TULP4: variants seen among roughly 807,000 people sequenced by gnomAD.
TULP4 encodes the protein tubby-related protein 4.
In TULP4, 16 loss-of-function variants were observed where a neutral mutation model predicts 129.0. The observed-to-expected ratio is 0.12, with a 90% CI of 0.08 to 0.19. The LOEUF (loss-of-function observed/expected upper bound fraction) is 0.19. TULP4 is among the 10% of genes least tolerant of loss of function. The pLI is 1.00. For missense variants in TULP4, 1,842 were observed against 2,059.1 expected, an observed-to-expected ratio of 0.89 and a Z score of 2.04; for synonymous variants, 998 against 854.0, an observed-to-expected ratio of 1.17 and a Z score of -2.94.
In TULP4 at chr6:158,493,412, C is replaced by A. The variant is rs1247506859; in HGVS notation, c.1632-161C>A. The stretch of plus-strand genomic sequence containing the variant: ...TCATTCTTTCCTCATATTCATAAAG[C>A]AAAAGCAAGGGGAGAGCTTTGTTAA... On this transcript the variant is annotated intron_variant, in intron 9 of 13. Transcript: ENST00000367097. This position sits in a 1 kb window ranked among gnomAD's most constrained non-coding sequence, Gnocchi z 4.4. Among the ~76,000 whole-genome samples, 1 of 152,194 alleles carries A rather than the reference C, an allele frequency of 6.6e-6. No homozygotes were observed. Among genetic ancestry groups the A allele is most frequent in the Admixed American group, 6.5e-5 (1 of 15,284 alleles).
chr6:158,302,019 T>C (rs1473741962), intron 1 of TULP4, among the ~76,000 whole-genome samples: 1 of 152,232 alleles, frequency 6.6e-6, no homozygotes, highest in Non-Finnish European at 1.5e-5. Context: ...TCTGTTGAAT[T>C]TTATCCTGAG....
At chr6:158,342,214 C>A (rs917194511) in intron 1 of TULP4, among the ~76,000 whole-genome samples, 2 of 152,246 alleles carry the variant, frequency 1.3e-5, no homozygotes, top group African/African-American at 4.8e-5. Flanking sequence ...CTGCGCCCAG[C>A]CCAGCTTGGT....
chr6:158,357,678 C>T (rs1361654882), intron 1 of TULP4, among the ~76,000 whole-genome samples: 2 of 152,180 alleles, frequency 1.3e-5, no homozygotes, highest in African/African-American at 4.8e-5. Context: ...GATGCCGAGG[C>T]CTGGCCTTCC....
intron 7 of TULP4, among the ~76,000 whole-genome samples, chr6:158,480,617 C>A (rs1779919307): frequency 6.6e-6 from 1 of 152,254 alleles, no homozygotes; most frequent in African/African-American, 2.4e-5. Context: ...TATTCTGTCT[C>A]TCTTCTTCTG....
chr6:158,243,052 G>A (rs1454941789), intron 1 of TULP4, among the ~76,000 whole-genome samples: 1 of 152,170 alleles, frequency 6.6e-6, no homozygotes, highest in Non-Finnish European at 1.5e-5. Context: ...CTCCCAAAGT[G>A]CTGGGATTGC....
At chr6:158,269,214 A>G (rs1264200027) in intron 1 of TULP4, among the ~76,000 whole-genome samples, 3 of 152,304 alleles carry the variant, frequency 2.0e-5, no homozygotes, top group African/African-American at 2.4e-5. Flanking sequence ...ATTCCAAAGT[A>G]ACAGTGTTGT....
chr6:158,466,737 C>A (rs989634753), intron 6 of TULP4, among the ~76,000 whole-genome samples: 1 of 152,152 alleles, frequency 6.6e-6, no homozygotes, highest in Non-Finnish European at 1.5e-5. Flanking sequence ...ATCCATATCT[C>A]CTAGGAGCTC....
intron 3 of TULP4, among the ~76,000 whole-genome samples, chr6:158,437,409 A>G (rs1397128246): frequency 6.6e-6 from 1 of 152,118 alleles, no homozygotes; most frequent in Non-Finnish European, 1.5e-5. Context: ...AAAAAATTAA[A>G]AACCAGCCAG....
intron 1 of TULP4, among the ~76,000 whole-genome samples, chr6:158,321,965 A>AGT (rs2128487319): frequency 6.6e-6 from 1 of 152,342 alleles, no homozygotes; most frequent in East Asian, 1.9e-4. Flanking sequence ...AGACCCTCCT[A>AGT]GTACCATTGT....
intron 1 of TULP4, among the ~76,000 whole-genome samples, chr6:158,331,745 G>GTCTATA (rs1562523255): frequency 6.4e-5 from 1 of 15,716 alleles, no homozygotes; most frequent in Non-Finnish European, 2.2e-4. Context: ...ATATATATAC[G>GTCTATA]TGTATATACA....
At chr6:158,331,771 GTATA>G (rs553636109) in intron 1 of TULP4, among the ~76,000 whole-genome samples, 1 of 30,856 alleles carries the variant, frequency 3.2e-5, no homozygotes, top group Non-Finnish European at 5.3e-5. Context: ...ATATATACAC[GTATA>G]TATACACACA....
At chr6:158,499,210 C>G (rs1194950825) in intron 12 of TULP4, among the ~76,000 whole-genome samples, 2 of 152,196 alleles carry the variant, frequency 1.3e-5, no homozygotes, top group Non-Finnish European at 1.5e-5. Context: ...TTCATCCTTT[C>G]AGTCCCTGCT....
Position 158,448,895 on chromosome 6 carries a change from C to A in TULP4, c.544-101C>A, listed in dbSNP as rs1405769883. On this transcript the variant is annotated intron_variant, in intron 3 of 13. Transcript: ENST00000367097. ...GTTACTTAACTAGCTATTTTTAGTT[C>A]TAAATGTATATTGTCTTCCTAAAAC... 3 of 1,245,182 alleles carry A rather than the reference C, an allele frequency of 2.4e-6. No individual in the cohort carries two copies. The African/African-American group carries it at 4.5e-5, about 19-fold the overall frequency. 77.1% of individuals were successfully genotyped at this position (1,245,182 alleles called of 1,614,324 possible). A position where few individuals can be genotyped will look rare whatever the true frequency, so the allele number is the denominator to read the frequency against.
intron 11 of TULP4, among the ~76,000 whole-genome samples, chr6:158,496,385 A>T (rs962525407): frequency 6.6e-6 from 1 of 152,264 alleles, no homozygotes; most frequent in East Asian, 1.9e-4. Flanking sequence ...ACCTATTGCT[A>T]TGAGGCATTT....
intron 1 of TULP4, among the ~76,000 whole-genome samples, chr6:158,362,723 G>C (rs1263391146): frequency 6.6e-6 from 1 of 152,194 alleles, no homozygotes; most frequent in African/African-American, 2.4e-5. Context: ...GTGTCCATCT[G>C]TACTTAACCC....
At chr6:158,308,438 T>C (rs1216176273), upstream of TULP4, among the ~76,000 whole-genome samples, 10 of 151,922 alleles carry the variant, frequency 6.6e-5, no homozygotes, top group African/African-American at 2.2e-4. Context: ...GATTTCTCAA[T>C]CTTTTCCCCA....
At position 158,285,150 on chromosome 6, in the gene TULP4, T is replaced by C. The variant is rs140798803; in HGVS notation, n.116+2772T>C. 6.6e-4 allele frequency among the ~76,000 whole-genome samples: 100 copies of C among 152,320 alleles called. 1 individual carries two copies. The highest frequency in any genetic ancestry group is 2.1e-3 in the African/African-American group (86 of 41,580). ...ATGTGAATTTCCCCTTCCTAACAGA[T>C]TGTGAACAGTTTACGTTCAGGGTCC... is the stretch of plus-strand genomic sequence containing the variant. On this transcript the variant is annotated intron_variant and non_coding_transcript_variant, in intron 1 of 1. Coordinates refer to the TULP4 transcript ENST00000432358.
chr6:158,241,099 G>A (rs1213409667), intron 1 of TULP4, among the ~76,000 whole-genome samples: 28 of 135,970 alleles, frequency 2.1e-4, no homozygotes, highest in African/African-American at 4.7e-4. Flanking sequence ...CGCTCCTCAC[G>A]TCCCAGAGGG....
At chr6:158,233,072 TC>T (rs1280366863) in intron 1 of TULP4, among the ~76,000 whole-genome samples, 2 of 152,170 alleles carry the variant, frequency 1.3e-5, no homozygotes, top group African/African-American at 2.4e-5. Flanking sequence ...GTCTACTTCT[TC>T]CTGTGGCGAC....
Sources: allele counts gnomAD v4.1 joint callset (sites outside exome capture counted in the v4.1 genomes callset), GRCh38; gene constraint gnomAD v4.1.1; non-coding constraint Gnocchi (gnomAD v3.1); transcripts MANE v1.5; gene names NCBI Gene and HGNC (gene_info 2026-07-23, HGNC 2026-07-21).